Variants in DGKB observed in about 807,000 individuals in gnomAD.
The protein encoded by DGKB is 90 kDa diacylglycerol kinase.
DGKB carries 67 observed loss-of-function variants against 114.3 expected under a neutral mutation model. The observed-to-expected ratio is 0.59, with a 90% CI of 0.48 to 0.72. The LOEUF is 0.72. Ranked by LOEUF, DGKB falls within the 30% of genes least tolerant of loss-of-function variation. The pLI, the probability that DGKB is intolerant of heterozygous loss-of-function variation, is 0.00. For missense variants in DGKB, 907 were observed against 975.2 expected, an observed-to-expected ratio of 0.93 and a Z score of 0.93; for synonymous variants, 398 against 323.1, an observed-to-expected ratio of 1.23 and a Z score of -2.49.
intron 21 of DGKB, among the ~76,000 whole-genome samples, chr7:14,418,367 GTGTGTATATATATA>G (rs1319329063): frequency 6.4e-5 from 4 of 62,324 alleles, no homozygotes; most frequent in African/African-American, 2.8e-4. Context: ...ATATATGTGT[GTGTGTATATATATA>G]TATATATATA....
Position 14,623,567 on chromosome 7 carries a change from C to T in DGKB, c.1168-2073G>A, listed in dbSNP as rs73682950. Among the ~76,000 whole-genome samples the T allele has an allele frequency of 5.3e-3, 800 of 152,146 alleles. 7 individuals carry two copies. The highest frequency in any genetic ancestry group is 0.018 in the African/African-American group (749 of 41,524). Reference sequence around the variant, plus strand: ...TATTAGGGCTAGATGGATCAGAAATCGTCTCTGACTAAAATAATGCTAATC... The same window carrying T: ...TATTAGGGCTAGATGGATCAGAAATTGTCTCTGACTAAAATAATGCTAATC... On this transcript the variant is annotated intron_variant, in intron 14 of 25. Coordinates refer to ENST00000402815, the MANE Select transcript of DGKB (RefSeq NM_001350709.2).
rs190201972 is a variant in DGKB at position 14,249,633 on chromosome 7, T to C, written c.2123-71482A>G. On this transcript the variant is annotated intron_variant, in intron 23 of 25. Coordinates refer to ENST00000402815, the MANE Select transcript of DGKB (RefSeq NM_001350709.2). The stretch of plus-strand genomic sequence containing the variant: ...TATCTAATTTGTCAACATATAATTG[T>C]TCATTATAGCCTCTTATGATCCTTT... 1.4e-3 allele frequency among the ~76,000 whole-genome samples: 211 copies of C among 152,268 alleles called. 1 individual carries two copies. The highest frequency in any genetic ancestry group is 4.9e-3 in the African/African-American group (205 of 41,578).
At chr7:14,700,184 A>C (rs1385835066) in intron 7 of DGKB, among the ~76,000 whole-genome samples, 2 of 151,570 alleles carry the variant, frequency 1.3e-5, no homozygotes, top group Non-Finnish European at 2.9e-5. Context: ...ACCACTAGGC[A>C]CTTAAAAATA....
intron 20 of DGKB, among the ~76,000 whole-genome samples, chr7:14,511,506 T>A (rs1787974264): frequency 6.6e-6 from 1 of 152,190 alleles, no homozygotes; most frequent in Admixed American, 6.5e-5. Flanking sequence ...CTTAAGGAAA[T>A]GTAGCTAGTT....
At chr7:14,928,625 C>T (rs1461590406) in intron 1 of DGKB, among the ~76,000 whole-genome samples, 1 of 151,844 alleles carries the variant, frequency 6.6e-6, no homozygotes, top group Non-Finnish European at 1.5e-5. Context: ...AACAGAATCA[C>T]ACAGTTTCTT....
intron 2 of DGKB, among the ~76,000 whole-genome samples, chr7:14,775,468 A>T (rs763861896): frequency 6.6e-6 from 1 of 150,510 alleles, no homozygotes; most frequent in Non-Finnish European, 1.5e-5. Context: ...TTGAAAGTGA[A>T]GGCCAAAACT....
chr7:14,147,437 T>C lies in DGKB; in HGVS notation c.*1694A>G, dbSNP rs1384261419. ...GTACGTAATCTTCCATTATAGCACATTGCTTGAGAGCAGCTATTTGATATA... is the reference window on the plus strand; with the variant it reads ...GTACGTAATCTTCCATTATAGCACACTGCTTGAGAGCAGCTATTTGATATA... On this transcript the variant is annotated 3_prime_UTR_variant, in exon 26 of 26. Transcript: ENST00000402815. The C allele has an allele frequency of 6.6e-6, 1 of 152,178 alleles. No homozygotes were observed. The highest frequency in any genetic ancestry group is 2.4e-5 in the African/African-American group (1 of 41,470). The allele number at this position is 152,178 out of a possible 1,614,324, so 9.4% of individuals were successfully genotyped here. A position where few individuals can be genotyped will look rare whatever the true frequency, so the allele number is the denominator to read the frequency against.
At chr7:14,627,459 GT>G (rs1334328865) in intron 14 of DGKB, among the ~76,000 whole-genome samples, 1 of 152,090 alleles carries the variant, frequency 6.6e-6, no homozygotes, top group East Asian at 1.9e-4. Flanking sequence ...CAAGATTTCT[GT>G]TAAGGAAATT....
chr7:14,946,735 C>G (rs1328135541), intron 1 of DGKB, among the ~76,000 whole-genome samples: 2 of 151,680 alleles, frequency 1.3e-5, no homozygotes, highest in African/African-American at 2.4e-5. Flanking sequence ...AACTGGAAAG[C>G]CTCTTCGGTC....
chr7:14,740,771 C>A (rs575083723), intron 4 of DGKB, among the ~76,000 whole-genome samples: 7 of 152,000 alleles, frequency 4.6e-5, no homozygotes, highest in African/African-American at 1.7e-4. Flanking sequence ...AGTGAGTGCA[C>A]GGGGAAGTGC....
At chr7:14,867,206 C>A (rs1241602687) in intron 1 of DGKB, among the ~76,000 whole-genome samples, 1 of 152,088 alleles carries the variant, frequency 6.6e-6, no homozygotes, top group Non-Finnish European at 1.5e-5. Flanking sequence ...AATTGTCTTT[C>A]ACAGAAGTTT....
intron 21 of DGKB, among the ~76,000 whole-genome samples, chr7:14,355,081 T>A (rs1157883966): frequency 6.6e-6 from 1 of 152,098 alleles, no homozygotes; most frequent in East Asian, 1.9e-4. Flanking sequence ...AGCAGAAGAA[T>A]TGCTTGTTCC....
chr7:14,619,080 G>A (rs540161898), intron 15 of DGKB, among the ~76,000 whole-genome samples: 1 of 151,064 alleles, frequency 6.6e-6, no homozygotes, highest in African/African-American at 2.4e-5. Flanking sequence ...CTATATATGT[G>A]TATTCTATTT....
chr7:14,883,185 T>A (rs1396620242), intron 1 of DGKB, among the ~76,000 whole-genome samples: 2 of 152,024 alleles, frequency 1.3e-5, no homozygotes, highest in African/African-American at 4.8e-5. Flanking sequence ...TCCTTTGTTG[T>A]CTTTGCCTAA....
chr7:14,768,383 CT>C (rs955106547), intron 2 of DGKB, among the ~76,000 whole-genome samples: 5 of 151,922 alleles, frequency 3.3e-5, no homozygotes, highest in Non-Finnish European at 7.4e-5. Flanking sequence ...TTCATTTTCT[CT>C]TTCTAATACT....
At chr7:14,236,333 A>C (rs1390279779) in intron 23 of DGKB, among the ~76,000 whole-genome samples, 1 of 121,668 alleles carries the variant, frequency 8.2e-6, no homozygotes, top group African/African-American at 3.7e-5. Flanking sequence ...GAGAGTATTC[A>C]TTCCAATTAA....
chr7:14,409,024 TG>T (rs1824414072), intron 21 of DGKB, among the ~76,000 whole-genome samples: 1 of 152,126 alleles, frequency 6.6e-6, no homozygotes, highest in African/African-American at 2.4e-5. Flanking sequence ...CACGAACACT[TG>T]CAAACAATAC....
At chr7:14,873,998 T>C (rs1852877056) in intron 1 of DGKB, among the ~76,000 whole-genome samples, 1 of 152,176 alleles carries the variant, frequency 6.6e-6, no homozygotes, top group Middle Eastern at 3.4e-3. Flanking sequence ...TAATATGCAG[T>C]ACTAATTTTA....
chr7:14,973,504 T>A (rs1465991388), intron 1 of DGKB, among the ~76,000 whole-genome samples: 1 of 150,058 alleles, frequency 6.7e-6, no homozygotes, highest in Non-Finnish European at 1.5e-5. Flanking sequence ...TTTTGTTTTG[T>A]TTTGTTTGTT....
Sources: gnomAD v4.1 joint callset for allele counts (sites outside exome capture counted in the v4.1 genomes callset) on GRCh38, gnomAD v4.1.1 for gene constraint, MANE v1.5 for transcripts, NCBI Gene and HGNC (gene_info 2026-07-23, HGNC 2026-07-21) for gene names.